The following TMEM108 variants were observed in gnomAD, a reference collection of about 807,000 sequenced individuals.
TMEM108 encodes the protein cancer/testis antigen 124.
In TMEM108, 12 loss-of-function variants were observed where a neutral mutation model predicts 35.1. The ratio of observed to expected loss-of-function variants is 0.34; its 90% CI spans 0.22 to 0.55. The LOEUF is 0.55. Ranked by LOEUF, TMEM108 falls within the 20% of genes least tolerant of loss-of-function variation. The probability of loss-of-function intolerance (pLI) is 0.89; values close to 1 mark genes in which losing one functional copy is unlikely to be tolerated. For missense variants in TMEM108, 680 were observed against 753.3 expected (o/e 0.90, Z 1.14); for synonymous variants, 287 against 308.6 (o/e 0.93, Z 0.73).
intron 3 of TMEM108, among the ~76,000 whole-genome samples, chr3:133,244,113 A>T (rs1559880147): frequency 1.3e-5 from 2 of 152,186 alleles, no homozygotes; most frequent in African/African-American, 4.8e-5. Context: ...TCTCTCAGTC[A>T]TTGGTTAAGG....
chr3:133,119,017 T>A (rs1220061912), intron 2 of TMEM108: 1 of 152,138 alleles, frequency 6.6e-6, no homozygotes, highest in Non-Finnish European at 1.5e-5. Context: ...GAGGTAATGT[T>A]TGTTAACATT....
At chr3:133,084,799 G>T (rs1468002491) in intron 2 of TMEM108, among the ~76,000 whole-genome samples, 4 of 152,200 alleles carry the variant, frequency 2.6e-5, no homozygotes, top group African/African-American at 7.2e-5. Context: ...AGCACAGGGA[G>T]ATAGAAGTTC....
chr3:133,390,372 A>C, intron 5 of TMEM108, 38 bp downstream of exon 5: 4 of 1,609,556 alleles, frequency 2.5e-6, no homozygotes, highest in Non-Finnish European at 3.4e-6. Context: ...CTGCAGGGAA[A>C]CCAGGTCCAA....
intron 2 of TMEM108, among the ~76,000 whole-genome samples, chr3:133,054,382 G>T (rs1943441021): frequency 6.6e-6 from 1 of 152,158 alleles, no homozygotes; most frequent in Non-Finnish European, 1.5e-5. Context: ...TTTTATATCT[G>T]TCAAATTTGA....
chr3:133,368,352 G>T (rs1012969813), intron 3 of TMEM108, among the ~76,000 whole-genome samples: 1 of 152,210 alleles, frequency 6.6e-6, no homozygotes, highest in Non-Finnish European at 1.5e-5. Flanking sequence ...AGCAAAAGCT[G>T]AGACTTGTCT....
At chr3:133,296,953 T>C (rs986592157) in intron 3 of TMEM108, among the ~76,000 whole-genome samples, 2 of 152,094 alleles carry the variant, frequency 1.3e-5, no homozygotes, top group African/African-American at 2.4e-5. Flanking sequence ...TTCTTAATGG[T>C]TGGGGGGATG....
intron 3 of TMEM108, among the ~76,000 whole-genome samples, chr3:133,296,498 A>G (rs540842210): frequency 2.0e-5 from 3 of 152,272 alleles, no homozygotes; most frequent in Admixed American, 6.5e-5. Flanking sequence ...GAAGTATCAC[A>G]TAAGTATTAA....
At chr3:133,324,628 A>G (rs879418878) in intron 3 of TMEM108, among the ~76,000 whole-genome samples, 2 of 152,186 alleles carry the variant, frequency 1.3e-5, no homozygotes, top group Non-Finnish European at 2.9e-5. Context: ...CAAAGAACTA[A>G]AAGTAGAGCT....
At chr3:133,109,155 G>A (rs1454817297) in intron 2 of TMEM108, among the ~76,000 whole-genome samples, 1 of 152,032 alleles carries the variant, frequency 6.6e-6, no homozygotes, top group Non-Finnish European at 1.5e-5. Context: ...AGGTGAAAGT[G>A]CTGGTTCTCA....
At chr3:133,221,660 C>CTTTTTTTTTTTT (rs3078806) in intron 2 of TMEM108, among the ~76,000 whole-genome samples, 115 of 60,344 alleles carry the variant, frequency 1.9e-3, no homozygotes, top group Middle Eastern at 0.028. Context: ...ACATTGATTC[C>CTTTTTTTTTTTT]TTTTTTTTTT....
chr3:133,154,432 G>A (rs1419616334), intron 2 of TMEM108, among the ~76,000 whole-genome samples: 1 of 152,018 alleles, frequency 6.6e-6, no homozygotes, highest in African/African-American at 2.4e-5. Flanking sequence ...GGTCTAACAT[G>A]TAAGTCTTTA....
intron 2 of TMEM108, among the ~76,000 whole-genome samples, chr3:133,149,574 A>G (rs1212341805): frequency 3.3e-5 from 5 of 152,176 alleles, no homozygotes; most frequent in Non-Finnish European, 7.3e-5. Context: ...TAGACTCCAC[A>G]TGTAAGTGAG....
chr3:133,224,804 TGTGC>T (rs1559873870), intron 2 of TMEM108, among the ~76,000 whole-genome samples: 1 of 152,124 alleles, frequency 6.6e-6, no homozygotes, highest in East Asian at 1.9e-4. Context: ...ATAGTGTATA[TGTGC>T]ATAAAACAAG....
chr3:133,063,804 A>G (rs1943563639), intron 2 of TMEM108, among the ~76,000 whole-genome samples: 1 of 152,154 alleles, frequency 6.6e-6, no homozygotes, highest in South Asian at 2.1e-4. Flanking sequence ...TATACAGAGC[A>G]CATAGGGCCC....
At chr3:133,152,726 T>G (rs1038015996) in intron 2 of TMEM108, among the ~76,000 whole-genome samples, 1 of 152,184 alleles carries the variant, frequency 6.6e-6, no homozygotes, top group African/African-American at 2.4e-5. Context: ...TTTAAGCTGC[T>G]TTCTGAAATG....
intron 4 of TMEM108, 95 bp from the exon 5 acceptor site, chr3:133,390,085 C>A: frequency 6.8e-7 from 1 of 1,473,260 alleles, no homozygotes; most frequent in Non-Finnish European, 9.3e-7. Context: ...CATACACTTA[C>A]TCCAGCTGGG....
chr3:133,176,881 A>G (rs367975624), intron 2 of TMEM108, among the ~76,000 whole-genome samples: 6 of 152,048 alleles, frequency 3.9e-5, no homozygotes, highest in East Asian at 1.9e-4. Context: ...CCAGGAGCTG[A>G]TTTTTTGAAA....
chr3:133,396,045 A>AAT lies in TMEM108; in HGVS notation c.*61_*62dup, dbSNP rs558195131. On this transcript the variant is annotated 3_prime_UTR_variant, in exon 6 of 6. Coordinates refer to ENST00000321871, the MANE Select transcript of TMEM108 (RefSeq NM_023943.4). Reference sequence around the variant, plus strand: ...TTCGTCTCTAAATTATAAATATACAAATACATATATTATAAATATAACCTT... The same window carrying AAT: ...TTCGTCTCTAAATTATAAATATACAAATATACATATATTATAAATATAACCTT... 1.4e-4 allele frequency: 169 copies of AAT among 1,199,092 alleles called. 6 individuals carry two copies. The East Asian group carries it at 5.4e-3, about 38-fold the overall frequency. The allele number at this position is 1,199,092 out of a possible 1,614,324, so 74.3% of individuals were successfully genotyped here. A position where few individuals can be genotyped will look rare whatever the true frequency, so the allele number is the denominator to read the frequency against.
At chr3:133,181,402 A>C (rs76967768) in intron 2 of TMEM108, among the ~76,000 whole-genome samples, 1 of 152,152 alleles carries the variant, frequency 6.6e-6, no homozygotes, top group Admixed American at 6.5e-5. Flanking sequence ...CTTCTTTTCC[A>C]TATCAGGAAA....
Sources: allele counts gnomAD v4.1 joint callset (sites outside exome capture counted in the v4.1 genomes callset), GRCh38; gene constraint gnomAD v4.1.1; transcripts MANE v1.5; gene names NCBI Gene and HGNC (gene_info 2026-07-23, HGNC 2026-07-21).